The following TRDN variants were observed in gnomAD, a reference collection of about 807,000 sequenced individuals.
TRDN encodes triadin, also known as triadin in skeletal muscle.
A neutral mutation model predicts 149.7 loss-of-function variants in TRDN; 161 were observed. That is an observed-to-expected ratio of 1.08 (90% CI 0.95 to 1.23). The LOEUF (loss-of-function observed/expected upper bound fraction) is 1.23. Ranked by LOEUF, TRDN falls within the 50% of genes most tolerant of loss-of-function variation. The pLI is 0.00. For synonymous variants in TRDN, 294 were observed against 250.5 expected, an observed-to-expected ratio of 1.17 and a Z score of -1.64; for missense variants, 896 against 823.5, an observed-to-expected ratio of 1.09 and a Z score of -1.08.
At chr6:123,555,968 C>T (rs1263519435) in intron 2 of TRDN, among the ~76,000 whole-genome samples, 1 of 151,952 alleles carries the variant, frequency 6.6e-6, no homozygotes, top group African/African-American at 2.4e-5. Context: ...GGAATAAAAG[C>T]TATGCTGTAA....
intron 10 of TRDN, among the ~76,000 whole-genome samples, chr6:123,463,314 G>C (rs893265001): frequency 6.0e-5 from 9 of 150,776 alleles, no homozygotes; most frequent in African/African-American, 1.7e-4. Flanking sequence ...TTCCAGCCTG[G>C]GCAGCAGAGC....
At chr6:123,240,235 T>A (rs1300962735) in intron 38 of TRDN, among the ~76,000 whole-genome samples, 1 of 151,898 alleles carries the variant, frequency 6.6e-6, no homozygotes, top group East Asian at 1.9e-4. Context: ...AGAAACTACA[T>A]AATAAAGTAT....
chr6:123,523,496 T>G (rs185614274), intron 5 of TRDN, among the ~76,000 whole-genome samples: 12 of 152,238 alleles, frequency 7.9e-5, no homozygotes, highest in African/African-American at 2.9e-4. Context: ...CACTTTTATC[T>G]CTTAGCACTG....
chr6:123,614,167 G>A (rs1784949086), intron 1 of TRDN, among the ~76,000 whole-genome samples: 1 of 151,604 alleles, frequency 6.6e-6, no homozygotes, highest in South Asian at 2.1e-4. Context: ...AGATCCTCAA[G>A]TGATTCATAT....
At chr6:123,503,683 T>C (rs1030595666) in intron 8 of TRDN, 36 bp downstream of exon 8, 19 of 1,612,254 alleles carry the variant, frequency 1.2e-5, no homozygotes, top group Non-Finnish European at 1.4e-5. Flanking sequence ...AATATTCTCT[T>C]AGAACCTCCG....
At chr6:123,572,238 C>G (rs1378813908) in intron 1 of TRDN, among the ~76,000 whole-genome samples, 8 of 151,960 alleles carry the variant, frequency 5.3e-5, no homozygotes, top group Admixed American at 1.3e-4. Context: ...TGGATTTTTC[C>G]TCCATTTTTC....
At chr6:123,400,190 A>ATATAT (rs1562295327) in intron 12 of TRDN, among the ~76,000 whole-genome samples, 1 of 46,534 alleles carries the variant, frequency 2.1e-5, no homozygotes, top group South Asian at 6.8e-4. Context: ...TATATATATA[A>ATATAT]ACACACACAT....
At chr6:123,570,300 C>T (rs1368907320) in intron 2 of TRDN, among the ~76,000 whole-genome samples, 1 of 152,130 alleles carries the variant, frequency 6.6e-6, no homozygotes, top group Non-Finnish European at 1.5e-5. Context: ...AGGGAGCTCA[C>T]AGTCAATAGA....
At chr6:123,610,809 A>G (rs1784769565) in intron 1 of TRDN, among the ~76,000 whole-genome samples, 1 of 152,224 alleles carries the variant, frequency 6.6e-6, no homozygotes. Context: ...AACAAAAGAA[A>G]AAAACTGCAT....
intron 2 of TRDN, among the ~76,000 whole-genome samples, chr6:123,551,970 T>G (rs1781414885): frequency 6.6e-6 from 1 of 152,142 alleles, no homozygotes; most frequent in Admixed American, 6.6e-5. Context: ...TTCAGTCATC[T>G]TGTAACCATG....
chr6:123,581,354 T>A (rs929105053), intron 1 of TRDN, among the ~76,000 whole-genome samples: 4 of 152,160 alleles, frequency 2.6e-5, no homozygotes, highest in Non-Finnish European at 5.9e-5. Flanking sequence ...GTGAACAAAA[T>A]TATTCTGACT....
At chr6:123,274,251 A>G (rs1354491486) in intron 27 of TRDN, among the ~76,000 whole-genome samples, 1 of 152,116 alleles carries the variant, frequency 6.6e-6, no homozygotes, top group East Asian at 1.9e-4. Context: ...AAACCACAAT[A>G]GTCTATAACT....
chr6:123,334,663 G>C (rs2114732145), intron 22 of TRDN, among the ~76,000 whole-genome samples: 1 of 152,058 alleles, frequency 6.6e-6, no homozygotes, highest in South Asian at 2.1e-4. Flanking sequence ...GTCAATAACT[G>C]AACCAGCAAC....
rs2145735 is a variant in TRDN, at chr6:123,570,856, G to A, written c.232+67C>T. 0.41 allele frequency: 590,931 copies of A among 1,445,820 alleles called. 128,417 individuals are homozygous for A. The highest frequency in any genetic ancestry group is 0.81 in the East Asian group (34,898 of 43,160). 89.6% of individuals were successfully genotyped at this position (1,445,820 alleles called of 1,614,324 possible). A position where few individuals can be genotyped will look rare whatever the true frequency, so the allele number is the denominator to read the frequency against. On this transcript the variant is annotated intron_variant, in intron 2 of 40. Coordinates refer to ENST00000334268, the MANE Select transcript of TRDN (RefSeq NM_006073.4). Reference sequence around the variant, plus strand: ...ATGAAACAGAAACCAAGCAGGAACTGGAGGGGACACTGTTTCTTTCCATTT... The same window carrying A: ...ATGAAACAGAAACCAAGCAGGAACTAGAGGGGACACTGTTTCTTTCCATTT...
At chr6:123,308,044 A>AT (rs1367285455) in intron 24 of TRDN, among the ~76,000 whole-genome samples, 1 of 151,640 alleles carries the variant, frequency 6.6e-6, no homozygotes, top group Non-Finnish European at 1.5e-5. Flanking sequence ...CTAAGTGTCT[A>AT]TTTTTGCCAT....
chr6:123,328,963 C>T (rs144980117), intron 23 of TRDN, among the ~76,000 whole-genome samples: 13 of 152,172 alleles, frequency 8.5e-5, no homozygotes, highest in African/African-American at 2.9e-4. Context: ...TAAATGTTTC[C>T]CTCTTGATTG....
At chr6:123,336,959 G>A (rs1244816715) in intron 22 of TRDN, among the ~76,000 whole-genome samples, 1 of 151,838 alleles carries the variant, frequency 6.6e-6, no homozygotes. Context: ...GGTAGAGAAG[G>A]CTTGATGCTG....
chr6:123,621,450 T>C (rs1242015849), intron 1 of TRDN, among the ~76,000 whole-genome samples: 2 of 152,066 alleles, frequency 1.3e-5, no homozygotes, highest in African/African-American at 2.4e-5. Context: ...GAAATAAACA[T>C]ACATTGATAA....
intron 32 of TRDN, among the ~76,000 whole-genome samples, chr6:123,266,398 G>A (rs1443037611): frequency 9.5e-6 from 1 of 104,924 alleles, no homozygotes; most frequent in Non-Finnish European, 1.7e-5. Context: ...ATTATGATAT[G>A]TATTATATAT....
Sources: allele counts gnomAD v4.1 joint callset (sites outside exome capture counted in the v4.1 genomes callset), GRCh38; gene constraint gnomAD v4.1.1; transcripts MANE v1.5; gene names NCBI Gene and HGNC (gene_info 2026-07-23, HGNC 2026-07-21).